Variants in GPR17 observed in about 807,000 individuals in gnomAD.
GPR17 encodes the protein G protein-coupled receptor 17.
A neutral mutation model predicts 1.5 loss-of-function variants in GPR17; 4 were observed. The ratio of observed to expected loss-of-function variants is 2.73; its 90% CI spans 1.35 to 6.25. GPR17 has a LOEUF of 6.25. Among genes scored for constraint, GPR17 ranks in the 30% most tolerant of loss-of-function variants. The pLI, the probability that GPR17 is intolerant of heterozygous loss-of-function variation, is 0.00. For synonymous variants in GPR17, 209 were observed against 207.6 expected, an observed-to-expected ratio of 1.01 and a Z score of -0.06; for missense variants, 463 against 462.1, an observed-to-expected ratio of 1.00 and a Z score of -0.02.
At chr2:127,648,542 A>C (rs989750734) in intron 1 of GPR17, among the ~76,000 whole-genome samples, 1 of 152,110 alleles carries the variant, frequency 6.6e-6, no homozygotes, top group African/African-American at 2.4e-5. Flanking sequence ...TGCTGTGTCC[A>C]TGAACAGTCA....
At chr2:127,646,581 T>A (rs1683009237) in intron 1 of GPR17, 1 of 152,310 alleles carries the variant, frequency 6.6e-6, no homozygotes, top group Admixed American at 6.5e-5. Flanking sequence ...GGAGTGGCGC[T>A]AATGCAAAGG....
chr2:127,650,685 T>C, intron 1 of GPR17, 31 bp from the exon 2 acceptor site: 2 of 1,498,176 alleles, frequency 1.3e-6, no homozygotes, highest in Non-Finnish European at 1.8e-6. Context: ...GATCGCAAGC[T>C]CATTGTGAAC....
chr2:127,649,862 T>C (rs958479199), intron 1 of GPR17: 49 of 669,816 alleles, frequency 7.3e-5, no homozygotes, highest in Non-Finnish European at 1.1e-4. Flanking sequence ...CGCTGGCCAG[T>C]GTCTCTGACG....
intron 1 of GPR17, chr2:127,649,961 T>G (rs747168476): frequency 4.0e-6 from 6 of 1,503,416 alleles, no homozygotes; most frequent in Non-Finnish European, 5.5e-6. Flanking sequence ...CCAGCTGGCC[T>G]GATACCCAGG....
chr2:127,651,355 C>G lies in GPR17; in HGVS notation c.620C>G (p.Thr207Ser). ...LAVAFTFPFI[T>S]TVTCYLLIIR... is the part of the protein sequence containing the mutation. ...GTGGCCTTCACCTTCCCGTTCATCACCACGGTCACCTGCTACCTGCTGATC... is the reference window on the plus strand; with the variant it reads ...GTGGCCTTCACCTTCCCGTTCATCAGCACGGTCACCTGCTACCTGCTGATC... The change falls in exon 2 of 2, where the codon ACC (threonine) becomes AGC (serine). Residue 207 changes from threonine to serine, a missense_variant. Thr to Ser is a moderately conservative substitution (Grantham distance 58). Coordinates refer to ENST00000486700, the MANE Select transcript of GPR17 (RefSeq NM_001161417.2). The G allele has an allele frequency of 6.2e-7, 1 of 1,612,276 alleles. No homozygotes were observed. The highest frequency in any genetic ancestry group is 8.5e-7 in the Non-Finnish European group (1 of 1,180,044).
chr2:127,650,056 A>G (rs769702454), intron 1 of GPR17: 3 of 1,607,680 alleles, frequency 1.9e-6, no homozygotes, highest in Admixed American at 1.7e-5. Context: ...AGCCCCCAAG[A>G]GAGATGCTGA....
chr2:127,650,630 A>AT, intron 1 of GPR17, 86 bp from the exon 2 acceptor site: 5 of 925,674 alleles, frequency 5.4e-6, no homozygotes, highest in Non-Finnish European at 8.3e-6. Context: ...TTCTGAAGGC[A>AT]TTGGAGGCCT....
chr2:127,647,619 C>G lies in GPR17; in HGVS notation c.-21+1375C>G, dbSNP rs1683137788. The stretch of plus-strand genomic sequence containing the variant: ...ACCCACCTTGGCCCCTTCCCACCCC[C>G]AGGTTCTAACAAGGGCCCCTCACTC... On this transcript the variant is annotated intron_variant, in intron 1 of 1. Transcript: ENST00000486700. The surrounding 1 kb of genome is among the most constrained non-coding windows in gnomAD (Gnocchi z 4.3). 1.3e-5 allele frequency among the ~76,000 whole-genome samples: 2 copies of G among 152,060 alleles called. No homozygotes were observed. Among genetic ancestry groups the G allele is most frequent in the South Asian group, 4.1e-4 (2 of 4,822 alleles).
In GPR17 at chr2:127,652,086, C is replaced by T. The variant is rs1163676610; in HGVS notation, c.*331C>T. On this transcript the variant is annotated 3_prime_UTR_variant, in exon 2 of 2. Coordinates refer to ENST00000486700, the MANE Select transcript of GPR17 (RefSeq NM_001161417.2). ...CCCGCTAGGCTCCCAGCCTCCTTCC[C>T]GCTACAGAATCGCTCATCGGCGAGG... 3 of 346,042 alleles carry T rather than the reference C, an allele frequency of 8.7e-6. No individual in the cohort carries two copies. The highest frequency in any genetic ancestry group is 5.4e-5 in the East Asian group (1 of 18,372). The allele number at this position is 346,042 out of a possible 1,614,324, so 21.4% of individuals were successfully genotyped here.
chr2:127,650,439 T>C, intron 1 of GPR17: 1 of 546,326 alleles, frequency 1.8e-6, no homozygotes, highest in Non-Finnish European at 3.2e-6. Context: ...CTCCCAGCTC[T>C]GAGGAGCCTC....
rs931384926 is a variant in GPR17 at position 127,652,317 on chromosome 2, C to G, written c.*562C>G. ...CAGGCTGGTTGCCAGCGGACGTCAGCACTCACGGCCTGCAGGGACTCAGCA... is the reference window on the plus strand; with the variant it reads ...CAGGCTGGTTGCCAGCGGACGTCAGGACTCACGGCCTGCAGGGACTCAGCA... On this transcript the variant is annotated 3_prime_UTR_variant, in exon 2 of 2. Transcript: ENST00000486700. 5.8e-6 allele frequency: 1 copy of G among 173,432 alleles called. No homozygotes were observed. The highest frequency in any genetic ancestry group is 2.4e-5 in the African/African-American group (1 of 41,494). 10.7% of individuals were successfully genotyped at this position (173,432 alleles called of 1,614,324 possible). A position where few individuals can be genotyped will look rare whatever the true frequency, so the allele number is the denominator to read the frequency against.
intron 1 of GPR17, among the ~76,000 whole-genome samples, chr2:127,649,187 G>GGAAA: frequency 6.6e-6 from 1 of 150,858 alleles, no homozygotes; most frequent in Non-Finnish European, 1.5e-5. Flanking sequence ...AAGGAAGGAA[G>GGAAA]GAAGGAAGGA....
At position 127,651,532 on chromosome 2, in the gene GPR17, G is replaced by A. The variant is rs762775820; in HGVS notation, c.797G>A (p.Gly266Glu). The A allele has an allele frequency of 4.3e-6, 7 of 1,612,544 alleles. No homozygotes were observed. In the South Asian group the frequency reaches 4.4e-5, roughly 10 times the overall value. The change falls in exon 2 of 2, where the codon GGG becomes GAG. Residue 266 changes from glycine to glutamate, a missense_variant. Physicochemically the swap from Gly to Glu is moderately conservative, Grantham distance 98. Transcript: ENST00000486700. ...SVYVLHYRSH[G>E]ASCATQRILA... ...TACGTGCTGCACTACCGCAGCCATG[G>A]GGCCTCCTGCGCCACCCAGCGCATC...
intron 1 of GPR17, chr2:127,648,125 C>T: frequency 1.0e-6 from 1 of 985,492 alleles, no homozygotes; most frequent in South Asian, 4.7e-5. Flanking sequence ...CAGACCAAGT[C>T]AGAGTACTGT....
rs1485363356 is a variant in GPR17, at chr2:127,652,355, C to T, written c.*600C>T. The T allele has an allele frequency of 5.8e-6, 1 of 171,112 alleles. No individual in the cohort carries two copies. The highest frequency in any genetic ancestry group is 1.4e-5 in the Non-Finnish European group (1 of 70,600). The allele number at this position is 171,112 out of a possible 1,614,324, so 10.6% of individuals were successfully genotyped here. On this transcript the variant is annotated 3_prime_UTR_variant, in exon 2 of 2. Coordinates refer to ENST00000486700, the MANE Select transcript of GPR17 (RefSeq NM_001161417.2). ...CAGGGACTCAGCACAGCTCTGGATT[C>T]TGGATCTCTCCTGCTGTAACCCCAC...
chr2:127,652,403 G>C lies in GPR17; in HGVS notation c.*648G>C, dbSNP rs1410339281. The C allele has an allele frequency of 6.0e-6, 1 of 167,824 alleles. No individual in the cohort carries two copies. Among genetic ancestry groups the C allele is most frequent in the Non-Finnish European group, 1.5e-5 (1 of 68,866 alleles). 10.4% of individuals were successfully genotyped at this position (167,824 alleles called of 1,614,324 possible). A position where few individuals can be genotyped will look rare whatever the true frequency, so the allele number is the denominator to read the frequency against. On this transcript the variant is annotated 3_prime_UTR_variant, in exon 2 of 2. Coordinates refer to ENST00000486700, the MANE Select transcript of GPR17 (RefSeq NM_001161417.2). The stretch of plus-strand genomic sequence containing the variant: ...CACGCACAAGCCTGCAACCCCCAGA[G>C]CTCTTTGACAGGCTCCCAGGCCTCC...
rs918250899 is a variant in GPR17 at position 127,650,278 on chromosome 2, TGAG to T, written c.-20-431_-20-429del. The stretch of plus-strand genomic sequence containing the variant: ...AGAACTCACCTGCCAAGGCTTGGGC[TGAG>T]GAGGAGCTGGAATCCCGGAGACACA... On this transcript the variant is annotated intron_variant, in intron 1 of 1. Transcript: ENST00000486700. The T allele has an allele frequency of 5.3e-5, 31 of 582,892 alleles. No individual in the cohort carries two copies. In the Admixed American group the frequency reaches 5.6e-4, roughly 11 times the overall value. 36.1% of individuals were successfully genotyped at this position (582,892 alleles called of 1,614,324 possible).
At chr2:127,649,175 G>GGAAGGAAAGAAGGAAGGAAGGAAGGAAA (rs1247295807) in intron 1 of GPR17, among the ~76,000 whole-genome samples, 15 of 111,598 alleles carry the variant, frequency 1.3e-4, no homozygotes, top group African/African-American at 8.2e-4. Flanking sequence ...TAGGAAGGAA[G>GGAAGGAAAGAAGGAAGGAAGGAAGGAAA]GAAGGAAGGA....
At chr2:127,649,043 AAGAG>A (rs199914025) in intron 1 of GPR17, among the ~76,000 whole-genome samples, 1 of 68,272 alleles carries the variant, frequency 1.5e-5, no homozygotes, top group African/African-American at 4.3e-5. Flanking sequence ...AAAAGAAAGA[AAGAG>A]AAAAGAAGAA....
Sources: allele counts gnomAD v4.1 joint callset (sites outside exome capture counted in the v4.1 genomes callset), GRCh38; gene constraint gnomAD v4.1.1; non-coding constraint Gnocchi (gnomAD v3.1); transcripts MANE v1.5; gene names NCBI Gene and HGNC (gene_info 2026-07-23, HGNC 2026-07-21).